Variants in ATP2B4 observed in about 807,000 individuals in gnomAD.
ATP2B4 encodes the protein plasma membrane calcium-transporting ATPase 4.
Under a neutral mutation model 110.3 loss-of-function variants are expected in ATP2B4, and 39 were observed. That is an observed-to-expected ratio of 0.35 (90% CI 0.27 to 0.46). ATP2B4 has a LOEUF of 0.46. Ranked by LOEUF, ATP2B4 falls within the 20% of genes least tolerant of loss-of-function variation. The pLI, the probability that ATP2B4 is intolerant of heterozygous loss-of-function variation, is 1.00. For missense variants in ATP2B4, 1,135 were observed against 1,530.9 expected, an observed-to-expected ratio of 0.74 and a Z score of 4.32; for synonymous variants, 538 against 571.7, an observed-to-expected ratio of 0.94 and a Z score of 0.84.
At chr1:203,687,253 A>C (rs996051575) in intron 2 of ATP2B4, among the ~76,000 whole-genome samples, 1 of 53,624 alleles carries the variant, frequency 1.9e-5, no homozygotes, top group East Asian at 1.7e-3. Flanking sequence ...GAAAAAAATA[A>C]GAAAGAAAAA....
At chr1:203,632,856 A>G (rs1413355587) in intron 1 of ATP2B4, among the ~76,000 whole-genome samples, 1 of 152,170 alleles carries the variant, frequency 6.6e-6, no homozygotes, top group East Asian at 1.9e-4. Flanking sequence ...TCAGGGTCTC[A>G]CTATGGAAAA....
At chr1:203,662,463 C>T (rs1325044718) in intron 1 of ATP2B4, among the ~76,000 whole-genome samples, 1 of 152,188 alleles carries the variant, frequency 6.6e-6, no homozygotes, top group Non-Finnish European at 1.5e-5. Flanking sequence ...CAATAATGCC[C>T]ATTCCCCACT....
chr1:203,681,492 C>G (rs114116381), intron 1 of ATP2B4, among the ~76,000 whole-genome samples: 40 of 152,096 alleles, frequency 2.6e-4, no homozygotes, highest in African/African-American at 9.2e-4. Flanking sequence ...ACTACGTAAC[C>G]GGGGCTGGGG....
chr1:203,709,533 T>C lies in ATP2B4; in HGVS notation c.1790T>C (p.Ile597Thr). ...TACAGCAAGGGCGCCTCTGAGATCA[T>C]CTTGCGCAAGTGAGCACCCCCGACC... is the stretch of plus-strand genomic sequence containing the variant. The part of the protein sequence containing the change: ...RMYSKGASEI[I>T]LRKCNRILDR... Residue 597 changes from isoleucine to threonine, a missense_variant, in exon 11 of 21, where the codon ATC (isoleucine) becomes ACC (threonine). By Grantham distance (89) the Ile-to-Thr change is moderately conservative. Around this residue, in one of 9 missense-constraint regions of ATP2B4, gnomAD observed 368 missense variants for 455.9 expected, o/e 0.81. Transcript: ENST00000357681. The C allele has an allele frequency of 1.2e-6, 2 of 1,614,112 alleles. No individual in the cohort carries two copies. The highest frequency in any genetic ancestry group is 2.2e-5 in the East Asian group (1 of 44,872).
intron 20 of ATP2B4, chr1:203,733,669 C>A (rs1412506295): frequency 2.5e-6 from 1 of 394,452 alleles, no homozygotes; most frequent in East Asian, 4.2e-5. Context: ...TTGCTCATTT[C>A]TTCCTTTTCT....
rs1383942593 is a variant in ATP2B4, at chr1:203,743,121, G to GCCTCCTCT, written c.*3268_*3269insCTCCTCTC. ...GGTTTGAGTTTCTTCTTCCCCTTGA[G>GCCTCCTCT]CTTCAGAGAGGAGAGTTGGCATGGT... On this transcript the variant is annotated 3_prime_UTR_variant, in exon 21 of 21. Transcript: ENST00000357681. 1.2e-4 allele frequency: 18 copies of GCCTCCTCT among 152,782 alleles called. No homozygotes were observed. The South Asian group carries it at 3.3e-3, about 28-fold the overall frequency. 9.5% of individuals were successfully genotyped at this position (152,782 alleles called of 1,614,324 possible).
rs1663197592 is a variant in ATP2B4, at chr1:203,629,558, C to T, written c.-465+2339C>T. 6.6e-6 allele frequency among the ~76,000 whole-genome samples: 1 copy of T among 152,148 alleles called. No homozygotes were observed. Among genetic ancestry groups the T allele is most frequent in the African/African-American group, 2.4e-5 (1 of 41,428 alleles). On this transcript the variant is annotated intron_variant, in intron 1 of 20. Transcript: ENST00000357681. This position sits in a 1 kb window ranked among gnomAD's most constrained non-coding sequence, Gnocchi z 4.6. ...GGTAATCGGCTCCCGCAGTCTCAGC[C>T]CTTCCCCCGGGGCTCGGGGCAGGAT...
At chr1:203,690,073 C>T (rs1407780326) in intron 2 of ATP2B4, among the ~76,000 whole-genome samples, 4 of 151,750 alleles carry the variant, frequency 2.6e-5, no homozygotes, top group African/African-American at 7.3e-5. Context: ...AAGTGGCAGG[C>T]GGGAAAAAAA....
At chr1:203,721,724 G>T (rs11240274) in intron 17 of ATP2B4, among the ~76,000 whole-genome samples, 30,330 of 146,244 alleles carry the variant, frequency 0.21, 3,662 homozygotes, top group East Asian at 0.59. Context: ...GTGCAGTGGC[G>T]CTAACTCGGG....
At chr1:203,737,168 C>T (rs967883174) in intron 20 of ATP2B4, among the ~76,000 whole-genome samples, 4 of 152,170 alleles carry the variant, frequency 2.6e-5, no homozygotes, top group African/African-American at 9.7e-5. Context: ...GAGGAAAAGC[C>T]AACAAACAGG....
At chr1:203,696,774 T>C (rs1215964983) in intron 2 of ATP2B4, among the ~76,000 whole-genome samples, 1 of 152,166 alleles carries the variant, frequency 6.6e-6, no homozygotes, top group Non-Finnish European at 1.5e-5. Context: ...ATGTTCTGTG[T>C]GTGTGTGTGT....
intron 1 of ATP2B4, among the ~76,000 whole-genome samples, chr1:203,628,462 C>A (rs1663156461): frequency 6.6e-6 from 1 of 152,158 alleles, no homozygotes; most frequent in Admixed American, 6.5e-5. Context: ...ATGCCGGCGC[C>A]TGCTGGCCGG....
At position 203,739,734 on chromosome 1, in the gene ATP2B4, G is replaced by A. The variant is rs761902741; in HGVS notation, c.3498G>A (p.Val1166=). 6.2e-7 allele frequency: 1 copy of A among 1,614,172 alleles called. No homozygotes were observed. Among genetic ancestry groups the A allele is most frequent in the East Asian group, 2.2e-5 (1 of 44,878 alleles). ...AGGCTTCTAAGTTTGGGACTAGGGT[G>A]CTCCTGTTGGATGGTGAGGTCACTC... ...PDKASKFGTR[V]LLLDGEVTPY... Residue 1166 remains valine, a synonymous_variant, in exon 21 of 21, where the codon GTG becomes GTA. Transcript: ENST00000357681.
At chr1:203,697,293 G>T (rs938543377) in intron 2 of ATP2B4, among the ~76,000 whole-genome samples, 4 of 152,160 alleles carry the variant, frequency 2.6e-5, no homozygotes, top group Admixed American at 2.0e-4. Flanking sequence ...CACATGTGTG[G>T]GCTCTGCCTC....
At chr1:203,661,105 T>C (rs2102332106) in intron 1 of ATP2B4, among the ~76,000 whole-genome samples, 1 of 151,496 alleles carries the variant, frequency 6.6e-6, no homozygotes, top group South Asian at 2.1e-4. Context: ...AGAGAAACTT[T>C]GTCTAAAAAA....
At chr1:203,721,526 A>C in intron 17 of ATP2B4, 116 bp downstream of exon 17, 2 of 1,037,934 alleles carry the variant, frequency 1.9e-6, no homozygotes, top group East Asian at 4.9e-5. Flanking sequence ...TTCACCTCCC[A>C]GTGCTTGCTG....
At chr1:203,657,196 T>C (rs1664187861) in intron 1 of ATP2B4, 1 of 761,984 alleles carries the variant, frequency 1.3e-6, no homozygotes. Context: ...CAGTTCAAGA[T>C]GTAATACATG....
intron 1 of ATP2B4, among the ~76,000 whole-genome samples, chr1:203,638,989 C>G (rs770475332): frequency 2.6e-5 from 4 of 152,158 alleles, no homozygotes; most frequent in Non-Finnish European, 5.9e-5. Flanking sequence ...CTGAGAGAGG[C>G]AGAGTAATTG....
chr1:203,737,368 C>A (rs1196762817), intron 20 of ATP2B4, among the ~76,000 whole-genome samples: 1 of 152,148 alleles, frequency 6.6e-6, no homozygotes, highest in Non-Finnish European at 1.5e-5. Flanking sequence ...ATTTTGAGAT[C>A]TTGAAAACAT....
Sources: allele counts gnomAD v4.1 joint callset (sites outside exome capture counted in the v4.1 genomes callset), GRCh38; gene constraint gnomAD v4.1.1; regional missense constraint gnomAD v4.1.1; non-coding constraint Gnocchi (gnomAD v3.1); transcripts MANE v1.5; gene names NCBI Gene and HGNC (gene_info 2026-07-23, HGNC 2026-07-21).